The following MAP3K21 variants were observed in gnomAD, a reference collection of about 807,000 sequenced individuals.
MAP3K21 encodes mitogen-activated protein kinase kinase kinase 21.
MAP3K21 carries 63 observed loss-of-function variants against 86.1 expected under a neutral mutation model. That is an observed-to-expected ratio of 0.73 (90% confidence interval 0.60 to 0.90). The LOEUF is 0.90. Ranked by LOEUF, MAP3K21 falls within the 40% of genes least tolerant of loss-of-function variation. The probability of loss-of-function intolerance (pLI) is 0.00; values close to 1 mark genes in which losing one functional copy is unlikely to be tolerated. For missense variants in MAP3K21, 1,220 were observed against 1,367.7 expected (o/e 0.89, Z 1.70); for synonymous variants, 558 against 564.8 (o/e 0.99, Z 0.17).
At chr1:233,337,488 T>C (rs981303819) in intron 1 of MAP3K21, among the ~76,000 whole-genome samples, 1 of 152,258 alleles carries the variant, frequency 6.6e-6, no homozygotes, top group Admixed American at 6.5e-5. Flanking sequence ...TGTGAACTCA[T>C]TGATACCTAA....
At chr1:233,342,261 G>A (rs936970560) in intron 1 of MAP3K21, among the ~76,000 whole-genome samples, 2 of 152,232 alleles carry the variant, frequency 1.3e-5, no homozygotes, top group African/African-American at 2.4e-5. Context: ...AAGGGCTGGG[G>A]ATGAGCTCCA....
rs187225445 is a variant in MAP3K21, at chr1:233,335,044, A to C, written c.805+6211A>C. On this transcript the variant is annotated intron_variant, in intron 1 of 9. Coordinates refer to ENST00000366624, the MANE Select transcript of MAP3K21 (RefSeq NM_032435.3). ...TTGTTACATTTCTAACTACTTCCAA[A>C]ATTGGAAAATATTCTCTAGCTTTAC... Among the ~76,000 whole-genome samples the C allele has an allele frequency of 4.0e-5, 6 of 151,856 alleles. No individual in the cohort carries two copies. The East Asian group carries it at 1.2e-3, about 30-fold the overall frequency.
Position 233,328,887 on chromosome 1 carries a change from G to A in MAP3K21, c.805+54G>A. 7.2e-7 allele frequency: 1 copy of A among 1,389,288 alleles called. No individual in the cohort carries two copies. Among genetic ancestry groups the A allele is most frequent in the Admixed American group, 2.8e-5 (1 of 36,302 alleles). The allele number at this position is 1,389,288 out of a possible 1,614,324, so 86.1% of individuals were successfully genotyped here. On this transcript the variant is annotated intron_variant, in intron 1 of 9. Coordinates refer to ENST00000366624, the MANE Select transcript of MAP3K21 (RefSeq NM_032435.3). The surrounding 1 kb of genome is among the most constrained non-coding windows in gnomAD (Gnocchi z 8.7). ...AGACTACCTCCGTGCCAGCCCAGGC[G>A]GGCTCCACAGGACATAGTACCAGAT... is the stretch of plus-strand genomic sequence containing the variant.
At chr1:233,333,668 G>A (rs1662855005) in intron 1 of MAP3K21, among the ~76,000 whole-genome samples, 3 of 152,038 alleles carry the variant, frequency 2.0e-5, no homozygotes, top group Non-Finnish European at 2.9e-5. Context: ...TCTGAATTAT[G>A]CAAAGTATCC....
rs769713740 is a variant in MAP3K21, at chr1:233,379,258, C to T, written c.2252C>T (p.Pro751Leu). 10 of 1,614,196 alleles carry T rather than the reference C, an allele frequency of 6.2e-6. No homozygotes were observed. The highest frequency in any genetic ancestry group is 4.0e-5 in the African/African-American group (3 of 75,050). Residue 751 changes from proline to leucine, a missense_variant, in exon 9 of 10, where the codon CCG becomes CTG. This residue lies in a region of MAP3K21 where 632 missense variants were observed against 691.3 expected (regional missense o/e 0.91). Coordinates refer to ENST00000366624, the MANE Select transcript of MAP3K21 (RefSeq NM_032435.3). ...ELHKAQAAEE[P>L]LPKEEKKKRE... ...CATAAAGCACAGGCTGCTGAAGAAC[C>T]GTTGCCCAAGGAAGAGAAGAAGAAA...
intron 1 of MAP3K21, among the ~76,000 whole-genome samples, chr1:233,333,207 A>G (rs1662844646): frequency 6.6e-6 from 1 of 152,326 alleles, no homozygotes; most frequent in East Asian, 1.9e-4. Context: ...TAATTTCACT[A>G]TTATCAGTTG....
At chr1:233,379,831 T>C in intron 9 of MAP3K21, 121 bp downstream of exon 9, 1 of 751,856 alleles carries the variant, frequency 1.3e-6, no homozygotes, top group Non-Finnish European at 2.1e-6. Flanking sequence ...GTTTTTACTG[T>C]TCATGTAGAT....
intron 5 of MAP3K21, among the ~76,000 whole-genome samples, chr1:233,370,866 C>T (rs1663667269): frequency 6.6e-6 from 1 of 152,202 alleles, no homozygotes; most frequent in South Asian, 2.1e-4. Flanking sequence ...TTTGCATCAT[C>T]ACCAGACAAA....
At chr1:233,371,920 A>C in intron 5 of MAP3K21, 118 bp from the exon 6 acceptor site, 1 of 962,996 alleles carries the variant, frequency 1.0e-6, no homozygotes, top group Non-Finnish European at 1.5e-6. Flanking sequence ...TCGATCCTGC[A>C]ATATTCTTTG....
chr1:233,347,624 C>A (rs1455027104), intron 2 of MAP3K21, among the ~76,000 whole-genome samples: 1 of 152,068 alleles, frequency 6.6e-6, no homozygotes, highest in African/African-American at 2.4e-5. Context: ...TGAATTAATG[C>A]AGGAATAGAA....
chr1:233,339,350 C>CTT (rs1558451088), intron 1 of MAP3K21, among the ~76,000 whole-genome samples: 12 of 80,876 alleles, frequency 1.5e-4, no homozygotes, highest in Admixed American at 3.2e-4. Flanking sequence ...TCCCTCTTCT[C>CTT]CCTCTTCTCC....
chr1:233,369,301 G>T (rs1572254279), intron 5 of MAP3K21, among the ~76,000 whole-genome samples: 1 of 151,716 alleles, frequency 6.6e-6, no homozygotes, highest in South Asian at 2.1e-4. Flanking sequence ...GAGGCAGGAG[G>T]ATTGCTTGAA....
chr1:233,336,425 C>G (rs1662915611), intron 1 of MAP3K21, among the ~76,000 whole-genome samples: 1 of 152,038 alleles, frequency 6.6e-6, no homozygotes, highest in Non-Finnish European at 1.5e-5. Flanking sequence ...CCTGTAATCT[C>G]AGCTACTTGG....
chr1:233,334,608 GGA>G (rs1662878428), intron 1 of MAP3K21, among the ~76,000 whole-genome samples: 1 of 152,042 alleles, frequency 6.6e-6, no homozygotes, highest in Non-Finnish European at 1.5e-5. Context: ...TTTTTGGGGG[GGA>G]AGGAAACAGG....
Position 233,376,499 on chromosome 1 carries a change from C to T in MAP3K21, c.1896C>T (p.Pro632=). The part of the protein sequence containing the change: ...TILIKNQKTM[P]LASLFVDQPG... ...TAATAAAAAATCAGAAAACCATGCCCTTGGCTTCATTGTTTGTGGACCAGC... is the reference window on the plus strand; with the variant it reads ...TAATAAAAAATCAGAAAACCATGCCTTTGGCTTCATTGTTTGTGGACCAGC... Residue 632 remains proline, a synonymous_variant, in exon 8 of 10, where the codon CCC becomes CCT. Transcript: ENST00000366624. The T allele has an allele frequency of 6.2e-7, 1 of 1,613,678 alleles. No individual in the cohort carries two copies. Among genetic ancestry groups the T allele is most frequent in the Non-Finnish European group, 8.5e-7 (1 of 1,179,712 alleles).
chr1:233,364,714 CT>C (rs1372827467), intron 5 of MAP3K21, among the ~76,000 whole-genome samples: 1 of 151,862 alleles, frequency 6.6e-6, no homozygotes, highest in African/African-American at 2.4e-5. Context: ...TACAGCTTTT[CT>C]TTTCCTGAGA....
chr1:233,349,646 CA>C (rs545728292), intron 2 of MAP3K21, among the ~76,000 whole-genome samples: 10 of 152,246 alleles, frequency 6.6e-5, no homozygotes, highest in African/African-American at 2.2e-4. Flanking sequence ...TCATTAAAAG[CA>C]GAAGATACCA....
intron 2 of MAP3K21, 133 bp from the exon 3 acceptor site, chr1:233,353,674 A>C (rs1663293012): frequency 1.2e-6 from 1 of 803,846 alleles, no homozygotes; most frequent in African/African-American, 1.8e-5. Flanking sequence ...GATGTCAGCC[A>C]TTTAGGGGCT....
chr1:233,362,017 G>T, intron 4 of MAP3K21, 36 bp from the exon 5 acceptor site: 1 of 1,600,470 alleles, frequency 6.2e-7, no homozygotes, highest in South Asian at 1.1e-5. Context: ...TCTTCCTGCT[G>T]GGAATGATTC....
Sources: gnomAD v4.1 joint callset for allele counts (sites outside exome capture counted in the v4.1 genomes callset) on GRCh38, gnomAD v4.1.1 for gene constraint, gnomAD v4.1.1 regional missense constraint, Gnocchi (gnomAD v3.1) non-coding constraint, MANE v1.5 for transcripts, NCBI Gene and HGNC (gene_info 2026-07-23, HGNC 2026-07-21) for gene names.